The following CEP63 variants were observed in gnomAD, a reference collection of about 807,000 sequenced individuals.
The protein encoded by CEP63 is centrosomal protein of 63 kDa.
In CEP63, 84 loss-of-function variants were observed where a neutral mutation model predicts 89.1. That is an observed-to-expected ratio of 0.94 (90% confidence interval 0.79 to 1.13). The LOEUF (loss-of-function observed/expected upper bound fraction) is 1.13, where lower values mean the gene tolerates loss of function less well. CEP63 is among the 50% of genes most tolerant of loss of function. The probability of loss-of-function intolerance (pLI) is 0.00; values close to 1 mark genes in which losing one functional copy is unlikely to be tolerated. For synonymous variants in CEP63, 267 were observed against 272.5 expected (o/e 0.98, Z 0.20); for missense variants, 838 against 813.3 (o/e 1.03, Z -0.37).
intron 2 of CEP63, among the ~76,000 whole-genome samples, chr3:134,499,820 C>CTTTTTTTTT (rs747946881): frequency 1.6e-4 from 16 of 99,126 alleles, no homozygotes; most frequent in South Asian, 4.0e-4. Context: ...CCATCTTCAT[C>CTTTTTTTTT]TTTTTTTTTT....
the CEP63 span, among the ~76,000 whole-genome samples, chr3:134,666,605 A>G: frequency 6.6e-6 from 1 of 152,014 alleles, no homozygotes; most frequent in Non-Finnish European, 1.5e-5. Flanking sequence ...CCAGCTAACA[A>G]TCCCCCAGGA....
chr3:134,667,178 G>A, the CEP63 span, among the ~76,000 whole-genome samples: 1 of 152,098 alleles, frequency 6.6e-6, no homozygotes, highest in African/African-American at 2.4e-5. Context: ...CCCAGACCTC[G>A]GCAGTCATCT....
the CEP63 span, among the ~76,000 whole-genome samples, chr3:134,763,384 A>G: frequency 1.3e-5 from 2 of 152,156 alleles, no homozygotes; most frequent in Admixed American, 6.5e-5. Flanking sequence ...TCTGTGGTTC[A>G]GGGCTATGTT....
Position 134,550,345 on chromosome 3 carries a change from A to T in CEP63, c.1380+85A>T, listed in dbSNP as rs1202568979. ...AAAGACATAATTTTCATAATATTTA[A>T]TTCAGTGAATTTTTATTAGATACCT... is the stretch of plus-strand genomic sequence containing the variant. On this transcript the variant is annotated intron_variant, in intron 11 of 14. Coordinates refer to ENST00000675561, the MANE Select transcript of CEP63 (RefSeq NM_001353108.3). The T allele has an allele frequency of 2.3e-6, 3 of 1,304,186 alleles. No homozygotes were observed. The East Asian group carries it at 7.5e-5, about 33-fold the overall frequency. 80.8% of individuals were successfully genotyped at this position (1,304,186 alleles called of 1,614,324 possible).
At chr3:134,663,710 GGGCCAGGAAGGA>G in the CEP63 span, among the ~76,000 whole-genome samples, 2 of 28,244 alleles carry the variant, frequency 7.1e-5, no homozygotes, top group East Asian at 0.023. Context: ...GGCCCCAGAG[GGGCCAGGAAGGA>G]GGGATATGGG....
chr3:134,731,102 A>G, the CEP63 span, among the ~76,000 whole-genome samples: 3,334 of 152,286 alleles, frequency 0.022, 122 homozygotes, highest in African/African-American at 0.076. Context: ...ACCTAATAAT[A>G]TAGTCTCAAA....
At chr3:134,740,390 C>T in the CEP63 span, among the ~76,000 whole-genome samples, 9 of 151,982 alleles carry the variant, frequency 5.9e-5, no homozygotes, top group East Asian at 7.8e-4. Context: ...CTCCGCTTCC[C>T]GGGTTCACAC....
At chr3:134,751,078 A>T in the CEP63 span, among the ~76,000 whole-genome samples, 1 of 152,254 alleles carries the variant, frequency 6.6e-6, no homozygotes, top group Non-Finnish European at 1.5e-5. Context: ...GGAATCACAC[A>T]ATATGTGACA....
intron 6 of CEP63, among the ~76,000 whole-genome samples, 189 bp downstream of exon 6, chr3:134,537,457 C>T (rs949441115): frequency 1.3e-5 from 2 of 152,152 alleles, no homozygotes; most frequent in South Asian, 2.1e-4. Flanking sequence ...CTCACACATG[C>T]GTGCATTCAC....
At chr3:134,711,024 C>T in the CEP63 span, among the ~76,000 whole-genome samples, 1 of 151,998 alleles carries the variant, frequency 6.6e-6, no homozygotes, top group Admixed American at 6.6e-5. Context: ...CCGGCCTATC[C>T]ATTGACTTTT....
At chr3:134,655,578 G>T in the CEP63 span, among the ~76,000 whole-genome samples, 3 of 152,122 alleles carry the variant, frequency 2.0e-5, no homozygotes, top group Admixed American at 2.0e-4. Context: ...AGGTAGCAGG[G>T]GACACCCAAC....
chr3:134,503,376 T>A (rs900588123), intron 2 of CEP63, among the ~76,000 whole-genome samples: 3 of 152,130 alleles, frequency 2.0e-5, no homozygotes, highest in African/African-American at 7.2e-5. Context: ...TGGTCTAAGA[T>A]ACTTGATATG....
intron 4 of CEP63, 27 bp downstream of exon 4, chr3:134,531,967 G>A (rs1055085706): frequency 3.4e-6 from 5 of 1,482,614 alleles, no homozygotes; most frequent in South Asian, 2.3e-5. Context: ...GTTAAATGTT[G>A]TGTGTGTAGT....
chr3:134,723,109 A>G, the CEP63 span, among the ~76,000 whole-genome samples: 2 of 152,116 alleles, frequency 1.3e-5, no homozygotes, highest in Non-Finnish European at 2.9e-5. Context: ...TGCTGGCTTC[A>G]CTCATCTGTC....
chr3:134,588,086 A>G (rs1270256539), downstream of CEP63, among the ~76,000 whole-genome samples: 1 of 152,148 alleles, frequency 6.6e-6, no homozygotes, highest in Non-Finnish European at 1.5e-5. Context: ...TGAGGCCAGG[A>G]GTTCGAGACC....
chr3:134,702,888 C>T, the CEP63 span, among the ~76,000 whole-genome samples: 1 of 152,124 alleles, frequency 6.6e-6, no homozygotes, highest in African/African-American at 2.4e-5. Context: ...ATTAGTTCAA[C>T]CATTGTGGAC....
the CEP63 span, among the ~76,000 whole-genome samples, chr3:134,687,524 C>A: frequency 3.3e-5 from 5 of 152,244 alleles, no homozygotes; most frequent in South Asian, 8.3e-4. Context: ...CCCCAGGGTG[C>A]CTGCTGGTGC....
chr3:134,558,584 A>T (rs1028062898), intron 13 of CEP63, among the ~76,000 whole-genome samples: 4 of 152,182 alleles, frequency 2.6e-5, no homozygotes, highest in African/African-American at 9.7e-5. Flanking sequence ...TGTAAACAAG[A>T]TGTGTATTAC....
At position 134,494,281 on chromosome 3, in the gene CEP63, A is replaced by C. The variant is rs528724283; in HGVS notation, c.-25-1015A>C. On this transcript the variant is annotated intron_variant, in intron 1 of 14. Transcript: ENST00000675561. ...AGGTGCATGCCACCATGCCCAGCTA[A>C]TTTTTTTTTTTTTTGGTAGAGGCGG... 7.8e-5 allele frequency among the ~76,000 whole-genome samples: 11 copies of C among 141,156 alleles called. No individual in the cohort carries two copies. The South Asian group carries it at 1.3e-3, about 17-fold the overall frequency. The allele number at this position is 141,156 out of a possible 152,430, so 92.6% of individuals were successfully genotyped here. A position where few individuals can be genotyped will look rare whatever the true frequency, so the allele number is the denominator to read the frequency against.
Sources: gnomAD v4.1 joint callset for allele counts (sites outside exome capture counted in the v4.1 genomes callset) on GRCh38, gnomAD v4.1.1 for gene constraint, MANE v1.5 for transcripts, NCBI Gene and HGNC (gene_info 2026-07-23, HGNC 2026-07-21) for gene names.